The following ZFYVE28 variants were observed in gnomAD, a reference collection of about 807,000 sequenced individuals.
ZFYVE28 encodes zinc finger FYVE-type containing 28.
Under a neutral mutation model 82.1 loss-of-function variants are expected in ZFYVE28, and 40 were observed. That is an observed-to-expected ratio of 0.49 (90% CI 0.38 to 0.63). The LOEUF is 0.63. Among genes scored for constraint, ZFYVE28 ranks in the 30% least tolerant of loss-of-function variants. The pLI is 0.00. For missense variants in ZFYVE28, 1,321 were observed against 1,242.1 expected (o/e 1.06, Z -0.96); for synonymous variants, 612 against 546.1 (o/e 1.12, Z -1.68).
chr4:2,298,387 C>T (rs923895686), intron 8 of ZFYVE28, among the ~76,000 whole-genome samples: 10 of 152,194 alleles, frequency 6.6e-5, no homozygotes, highest in Admixed American at 2.6e-4. Flanking sequence ...GCTGAGCAGT[C>T]GGTTCACCAG....
At chr4:2,373,042 G>A (rs1727740389) in intron 1 of ZFYVE28, among the ~76,000 whole-genome samples, 2 of 152,156 alleles carry the variant, frequency 1.3e-5, no homozygotes, top group South Asian at 4.1e-4. Flanking sequence ...CCCCACCACA[G>A]GGACAGAAGG....
chr4:2,351,188 A>T (rs1231195056), intron 2 of ZFYVE28, among the ~76,000 whole-genome samples: 2 of 151,926 alleles, frequency 1.3e-5, no homozygotes, highest in East Asian at 3.9e-4. Flanking sequence ...TGTCAAGATG[A>T]GGTTGAATAG....
Position 2,418,280 on chromosome 4 carries a change from C to G in ZFYVE28, c.39+5G>C. Reference sequence around the variant, plus strand: ...GGGGCGTCCGGCCCGAGCGGGGCCGCTCACCTTGGGTTTGTAGAGCCACTT... The same window carrying G: ...GGGGCGTCCGGCCCGAGCGGGGCCGGTCACCTTGGGTTTGTAGAGCCACTT... On this transcript the variant is annotated splice_donor_5th_base_variant and intron_variant, in intron 1 of 12. Coordinates refer to ENST00000290974, the MANE Select transcript of ZFYVE28 (RefSeq NM_020972.3). The surrounding 1 kb of genome is among the most constrained non-coding windows in gnomAD (Gnocchi z 4.6). 1 of 1,537,016 alleles carries G rather than the reference C, an allele frequency of 6.5e-7. No individual in the cohort carries two copies. The highest frequency in any genetic ancestry group is 8.8e-7 in the Non-Finnish European group (1 of 1,140,972).
At chr4:2,346,478 T>A (rs1370788810) in intron 2 of ZFYVE28, among the ~76,000 whole-genome samples, 3 of 152,082 alleles carry the variant, frequency 2.0e-5, no homozygotes, top group Non-Finnish European at 4.4e-5. Context: ...TACAAGATCC[T>A]TTTTTACTAT....
At position 2,304,746 on chromosome 4, in the gene ZFYVE28, C is replaced by G. The variant is rs777916676; in HGVS notation, c.1594G>C (p.Ala532Pro). The change falls in exon 8 of 13, where the codon GCC becomes CCC. Residue 532 changes from alanine to proline, a missense_variant. Ala to Pro is a conservative substitution (Grantham distance 27). Coordinates refer to ENST00000290974, the MANE Select transcript of ZFYVE28 (RefSeq NM_020972.3). ...GGCTCCGAGGCGGCCTCCTGGGTGG[C>G]GACCGCAGAGTCCAGGGAAGTGGGC... Reference protein sequence around the residue: ...KSPTSLDSAVATQEAASEPVA... With the variant: ...KSPTSLDSAVPTQEAASEPVA... 59 of 1,612,576 alleles carry G rather than the reference C, an allele frequency of 3.7e-5. No homozygotes were observed. The highest frequency in any genetic ancestry group is 5.0e-5 in the Non-Finnish European group (59 of 1,179,968).
intron 7 of ZFYVE28, among the ~76,000 whole-genome samples, chr4:2,308,101 G>A (rs1361186108): frequency 2.6e-5 from 4 of 152,100 alleles, no homozygotes; most frequent in African/African-American, 9.7e-5. Context: ...TACAATAGAA[G>A]ATGTCTCCAA....
Position 2,270,449 on chromosome 4 carries a change from C to A in ZFYVE28, c.*276G>T. ...GAGGGACCAGTGGGAGGGCCCAGGC[C>A]TTCTCCGCCAGGCACCCTGCCCTGA... On this transcript the variant is annotated 3_prime_UTR_variant, in exon 13 of 13. Coordinates refer to ENST00000290974, the MANE Select transcript of ZFYVE28 (RefSeq NM_020972.3). 2.0e-6 allele frequency: 1 copy of A among 502,280 alleles called. No homozygotes were observed. The highest frequency in any genetic ancestry group is 2.2e-5 in the South Asian group (1 of 46,400). 31.1% of individuals were successfully genotyped at this position (502,280 alleles called of 1,614,324 possible). A position where few individuals can be genotyped will look rare whatever the true frequency, so the allele number is the denominator to read the frequency against.
intron 5 of ZFYVE28, among the ~76,000 whole-genome samples, chr4:2,336,290 T>A (rs1004369155): frequency 6.6e-6 from 1 of 152,222 alleles, no homozygotes; most frequent in Non-Finnish European, 1.5e-5. Flanking sequence ...GCAGGCCTGC[T>A]GGCATCGTGA....
chr4:2,291,441 G>A lies in ZFYVE28; in HGVS notation c.2051+12848C>T, dbSNP rs146715010. Reference sequence around the variant, plus strand: ...GGCCCCATCCCCTTCTAGGCTCCCCGAGGAGGGGCCAATGCTTACCAAGCA... The same window carrying A: ...GGCCCCATCCCCTTCTAGGCTCCCCAAGGAGGGGCCAATGCTTACCAAGCA... On this transcript the variant is annotated intron_variant, in intron 8 of 12. Transcript: ENST00000290974. Among the ~76,000 whole-genome samples, 33 of 152,250 alleles carry A rather than the reference G, an allele frequency of 2.2e-4. No homozygotes were observed. The East Asian group carries it at 5.8e-3, about 27-fold the overall frequency.
At chr4:2,365,163 GGGCAGGGGAGGCGCGGGC>G (rs2108898215) in intron 1 of ZFYVE28, among the ~76,000 whole-genome samples, 1 of 151,986 alleles carries the variant, frequency 6.6e-6, no homozygotes, top group South Asian at 2.1e-4. Flanking sequence ...GACGGGGAGG[GGGCAGGGGAGGCGCGGGC>G]GGCAGGGGTC....
chr4:2,341,554 G>C lies in ZFYVE28; in HGVS notation c.242C>G (p.Pro81Arg), dbSNP rs1722808763. Residue 81 changes from proline to arginine, a missense_variant, in exon 3 of 13, where the codon CCC becomes CGC. Around this residue, in one of 2 missense-constraint regions of ZFYVE28, gnomAD observed 343 missense variants for 408.4 expected, o/e 0.84. Coordinates refer to ENST00000290974, the MANE Select transcript of ZFYVE28 (RefSeq NM_020972.3). The surrounding 1 kb of genome is among the most constrained non-coding windows in gnomAD (Gnocchi z 4.5). ...AGGGAACTTGACGCAGAAATCTCTGGGGGCGCGGTCCTGGGGGATGCACTC... is the reference window on the plus strand; with the variant it reads ...AGGGAACTTGACGCAGAAATCTCTGCGGGCGCGGTCCTGGGGGATGCACTC... ...MDECIPQDRA[P>R]RDFCVKFPEE... is the part of the protein sequence containing the mutation. 1 of 1,614,070 alleles carries C rather than the reference G, an allele frequency of 6.2e-7. No homozygotes were observed. The highest frequency in any genetic ancestry group is 1.1e-5 in the South Asian group (1 of 91,076).
chr4:2,386,287 C>T (rs1290028477), intron 1 of ZFYVE28, among the ~76,000 whole-genome samples: 1 of 152,208 alleles, frequency 6.6e-6, no homozygotes, highest in East Asian at 1.9e-4. Flanking sequence ...GAGTTCAACA[C>T]CAGCCTGGCC....
At position 2,282,024 on chromosome 4, in the gene ZFYVE28, G is replaced by A. The variant is rs147464214; in HGVS notation, c.2052-7808C>T. On this transcript the variant is annotated intron_variant, in intron 8 of 12. Coordinates refer to ENST00000290974, the MANE Select transcript of ZFYVE28 (RefSeq NM_020972.3). Reference sequence around the variant, plus strand: ...AGGGAGCCATGAGAAGCAGAGGCTAGAAGAGTGAAGGGCACCTGCCCTGCC... The same window carrying A: ...AGGGAGCCATGAGAAGCAGAGGCTAAAAGAGTGAAGGGCACCTGCCCTGCC... Among the ~76,000 whole-genome samples the A allele has an allele frequency of 6.6e-4, 100 of 152,356 alleles. 1 individual carries two copies. The highest frequency in any genetic ancestry group is 3.4e-3 in the Middle Eastern group (1 of 294).
intron 8 of ZFYVE28, among the ~76,000 whole-genome samples, chr4:2,291,063 C>T (rs910779918): frequency 6.6e-6 from 1 of 152,228 alleles, no homozygotes; most frequent in African/African-American, 2.4e-5. Flanking sequence ...GGCACACGAG[C>T]GGGAGGAGCT....
intron 1 of ZFYVE28, among the ~76,000 whole-genome samples, chr4:2,360,208 G>A (rs1725930031): frequency 6.6e-6 from 1 of 151,274 alleles, no homozygotes; most frequent in Non-Finnish European, 1.5e-5. Flanking sequence ...ACGACCACGA[G>A]GAACAACACT....
chr4:2,290,481 C>T (rs560818684), intron 8 of ZFYVE28, among the ~76,000 whole-genome samples: 2 of 152,324 alleles, frequency 1.3e-5, no homozygotes, highest in African/African-American at 4.8e-5. Flanking sequence ...TCTGTTGGCC[C>T]TCTCCAGCTT....
At chr4:2,296,804 C>CCCTTGT (rs1274161652) in intron 8 of ZFYVE28, among the ~76,000 whole-genome samples, 1 of 152,184 alleles carries the variant, frequency 6.6e-6, no homozygotes, top group African/African-American at 2.4e-5. Flanking sequence ...TCACTCCGTC[C>CCCTTGT]CCTTGTCCTG....
rs1577850510 is a variant in ZFYVE28 at position 2,274,181 on chromosome 4, A to G, written c.2087T>C (p.Met696Thr). 1 of 1,613,758 alleles carries G rather than the reference A, an allele frequency of 6.2e-7. No individual in the cohort carries two copies. Among genetic ancestry groups the G allele is most frequent in the East Asian group, 2.2e-5 (1 of 44,866 alleles). The change falls in exon 9 of 13, where the codon ATG (methionine) becomes ACG (threonine). Residue 696 changes from methionine to threonine, a missense_variant. Transcript: ENST00000290974. ...GGCTGCTGGGGCCGCCTCTGGCCCC[A>G]TCTTGTCTGAGGAGCAGGACCCAGC... ...STAGSCSSDK[M>T]GPEAAPAATH...
chr4:2,416,363 G>T lies in ZFYVE28; in HGVS notation c.39+1922C>A, dbSNP rs1297488265. On this transcript the variant is annotated intron_variant, in intron 1 of 12. Coordinates refer to ENST00000290974, the MANE Select transcript of ZFYVE28 (RefSeq NM_020972.3). This position sits in a 1 kb window ranked among gnomAD's most constrained non-coding sequence, Gnocchi z 4.6. Reference sequence around the variant, plus strand: ...CAAATGCGGCCTCTTCCACAGCCACGTCCGGAGGGGCATCCCCTAGTGTCC... The same window carrying T: ...CAAATGCGGCCTCTTCCACAGCCACTTCCGGAGGGGCATCCCCTAGTGTCC... Among the ~76,000 whole-genome samples, 1 of 152,128 alleles carries T rather than the reference G, an allele frequency of 6.6e-6. No individual in the cohort carries two copies. The highest frequency in any genetic ancestry group is 2.1e-4 in the South Asian group (1 of 4,830).
Sources: allele counts gnomAD v4.1 joint callset (sites outside exome capture counted in the v4.1 genomes callset), GRCh38; gene constraint gnomAD v4.1.1; regional missense constraint gnomAD v4.1.1; non-coding constraint Gnocchi (gnomAD v3.1); transcripts MANE v1.5; gene names NCBI Gene and HGNC (gene_info 2026-07-23, HGNC 2026-07-21).